Variants in LUZP2 observed in about 807,000 individuals in gnomAD.
The protein encoded by LUZP2 is leucine zipper protein 2.
A neutral mutation model predicts 51.6 loss-of-function variants in LUZP2; 52 were observed. The ratio of observed to expected loss-of-function variants is 1.01; its 90% CI spans 0.81 to 1.27. The LOEUF (loss-of-function observed/expected upper bound fraction) is 1.27. LUZP2 is among the 50% of genes most tolerant of loss of function. The pLI is 0.00. For missense variants in LUZP2, 436 were observed against 395.4 expected, an observed-to-expected ratio of 1.10 and a Z score of -0.87; for synonymous variants, 154 against 137.3, an observed-to-expected ratio of 1.12 and a Z score of -0.85.
At chr11:24,731,543 A>C (rs1315725295) in intron 2 of LUZP2, among the ~76,000 whole-genome samples, 1 of 151,772 alleles carries the variant, frequency 6.6e-6, no homozygotes, top group African/African-American at 2.4e-5. Flanking sequence ...TATAAACACT[A>C]AGGACTGAAG....
At chr11:25,075,478 C>T (rs1347536898) in intron 10 of LUZP2, among the ~76,000 whole-genome samples, 3 of 152,100 alleles carry the variant, frequency 2.0e-5, no homozygotes, top group African/African-American at 7.2e-5. Context: ...TATATATCGA[C>T]CACTTTTTGG....
chr11:24,798,977 T>C (rs1259821729), intron 5 of LUZP2, among the ~76,000 whole-genome samples: 1 of 152,148 alleles, frequency 6.6e-6, no homozygotes, highest in Non-Finnish European at 1.5e-5. Flanking sequence ...AAAGGAGTTT[T>C]TGAGGCACAC....
intron 7 of LUZP2, among the ~76,000 whole-genome samples, chr11:24,973,053 C>T (rs913981051): frequency 1.7e-4 from 10 of 60,458 alleles, no homozygotes; most frequent in African/African-American, 5.0e-4. Context: ...TCCGTCTGGT[C>T]CTGGGTTTTT....
chr11:25,064,329 T>C (rs1466526431), intron 10 of LUZP2, among the ~76,000 whole-genome samples: 1 of 152,106 alleles, frequency 6.6e-6, no homozygotes, highest in Non-Finnish European at 1.5e-5. Context: ...TATATTAAAT[T>C]ATGTATCTAC....
chr11:24,581,347 T>C (rs1852847571), intron 1 of LUZP2, among the ~76,000 whole-genome samples: 1 of 152,084 alleles, frequency 6.6e-6, no homozygotes, highest in South Asian at 2.1e-4. Flanking sequence ...GTAACAGGTA[T>C]ACTAATAATC....
chr11:24,915,652 CAGAT>C (rs1013589405), intron 7 of LUZP2, among the ~76,000 whole-genome samples: 32 of 150,818 alleles, frequency 2.1e-4, no homozygotes, highest in African/African-American at 7.3e-4. Flanking sequence ...TGATGATAGA[CAGAT>C]AGATAGATAG....
At chr11:24,858,455 C>A (rs1043624414) in intron 5 of LUZP2, among the ~76,000 whole-genome samples, 1 of 152,074 alleles carries the variant, frequency 6.6e-6, no homozygotes, top group Non-Finnish European at 1.5e-5. Flanking sequence ...TTCTTTCTCA[C>A]TGGGGGAGAA....
chr11:24,775,084 C>A (rs1848876851), intron 5 of LUZP2, among the ~76,000 whole-genome samples: 2 of 151,548 alleles, frequency 1.3e-5, no homozygotes, highest in Admixed American at 1.3e-4. Flanking sequence ...TTGAAATGAG[C>A]GTTTTACAAT....
At chr11:24,884,025 G>T (rs1229951637) in intron 5 of LUZP2, among the ~76,000 whole-genome samples, 1 of 152,044 alleles carries the variant, frequency 6.6e-6, no homozygotes, top group Non-Finnish European at 1.5e-5. Flanking sequence ...AGGGTGGCAG[G>T]TGTTCAAGCC....
intron 5 of LUZP2, among the ~76,000 whole-genome samples, chr11:24,861,115 T>C (rs1377716902): frequency 6.6e-6 from 1 of 152,120 alleles, no homozygotes; most frequent in Admixed American, 6.5e-5. Flanking sequence ...GTAAACGACC[T>C]GATGAATCTG....
At chr11:24,989,209 A>G (rs1306032516) in intron 9 of LUZP2, among the ~76,000 whole-genome samples, 1 of 151,986 alleles carries the variant, frequency 6.6e-6, no homozygotes, top group Non-Finnish European at 1.5e-5. Flanking sequence ...GGAATGGGCT[A>G]CCTTACTAGC....
chr11:24,917,190 T>A (rs1853816570), intron 7 of LUZP2, among the ~76,000 whole-genome samples: 1 of 152,192 alleles, frequency 6.6e-6, no homozygotes. Context: ...GTTTGTTTTT[T>A]TCTTGTAAAT....
At chr11:24,567,107 C>G (rs55719930) in intron 1 of LUZP2, among the ~76,000 whole-genome samples, 14,987 of 149,594 alleles carry the variant, frequency 0.1, 923 homozygotes, top group African/African-American at 0.16. Context: ...TCCCAAAGTG[C>G]TGGGATAACA....
intron 1 of LUZP2, among the ~76,000 whole-genome samples, chr11:24,704,386 T>G (rs2133916753): frequency 6.6e-6 from 1 of 152,146 alleles, no homozygotes; most frequent in Admixed American, 6.5e-5. Flanking sequence ...TGTTAAAGCA[T>G]TATCCAAATT....
At chr11:24,715,234 G>C (rs1439909010) in intron 1 of LUZP2, among the ~76,000 whole-genome samples, 1 of 148,846 alleles carries the variant, frequency 6.7e-6, no homozygotes, top group Non-Finnish European at 1.5e-5. Context: ...AGCATCTGCA[G>C]ATTATGGTAT....
intron 1 of LUZP2, among the ~76,000 whole-genome samples, chr11:24,575,793 C>T (rs1050419852): frequency 6.6e-6 from 1 of 152,108 alleles, no homozygotes; most frequent in African/African-American, 2.4e-5. Flanking sequence ...ACAACAACCA[C>T]ATCTTTGCTT....
chr11:24,728,762 T>C (rs185599452), intron 1 of LUZP2, among the ~76,000 whole-genome samples: 48 of 152,132 alleles, frequency 3.2e-4, no homozygotes, highest in East Asian at 1.4e-3. Context: ...TTATTTTCTT[T>C]AGTGTCTGTA....
chr11:24,581,585 C>T (rs985079934), intron 1 of LUZP2, among the ~76,000 whole-genome samples: 3 of 151,872 alleles, frequency 2.0e-5, no homozygotes, highest in Admixed American at 6.6e-5. Context: ...GTGGGAGGAT[C>T]GCTTGAACTC....
intron 4 of LUZP2, among the ~76,000 whole-genome samples, chr11:24,746,094 G>A (rs1859370265): frequency 6.6e-6 from 1 of 152,000 alleles, no homozygotes; most frequent in Admixed American, 6.6e-5. Context: ...TTATGTACTT[G>A]GTGTTTTTTG....
Sources: allele counts gnomAD v4.1 joint callset (sites outside exome capture counted in the v4.1 genomes callset), GRCh38; gene constraint gnomAD v4.1.1; transcripts MANE v1.5; gene names NCBI Gene and HGNC (gene_info 2026-07-23, HGNC 2026-07-21).